The following UBR3 variants were observed in gnomAD, a reference collection of about 807,000 sequenced individuals.
The protein encoded by UBR3 is E3 ubiquitin-protein ligase UBR3.
A neutral mutation model predicts 243.2 loss-of-function variants in UBR3; 85 were observed. That is an observed-to-expected ratio of 0.35 (90% CI 0.29 to 0.42). The LOEUF (loss-of-function observed/expected upper bound fraction) is 0.42, where lower values mean the gene tolerates loss of function less well. Ranked by LOEUF, UBR3 falls within the 10% of genes least tolerant of loss-of-function variation. UBR3 has a pLI of 1.00. For missense variants in UBR3, 1,686 were observed against 2,300.8 expected, an observed-to-expected ratio of 0.73 and a Z score of 5.47; for synonymous variants, 748 against 799.8, an observed-to-expected ratio of 0.94 and a Z score of 1.09.
intron 38 of UBR3, among the ~76,000 whole-genome samples, chr2:170,081,368 C>T (rs903920712): frequency 2.0e-4 from 30 of 151,932 alleles, no homozygotes; most frequent in Non-Finnish European, 1.6e-4. Context: ...GGTGTGGTGG[C>T]GGGCCCCTAT....
intron 1 of UBR3, 75 bp from the exon 2 acceptor site, chr2:169,872,161 A>G: frequency 1.0e-5 from 11 of 1,086,192 alleles, no homozygotes; most frequent in Non-Finnish European, 1.2e-5. Flanking sequence ...TCCATTTACG[A>G]ATATTGTAAA....
intron 5 of UBR3, 147 bp downstream of exon 5, chr2:169,878,721 C>T (rs1484605545): frequency 6.9e-6 from 5 of 720,326 alleles, no homozygotes; most frequent in Admixed American, 6.1e-5. Context: ...TAGACAAGGA[C>T]ACTGAAGCCC....
intron 1 of UBR3, among the ~76,000 whole-genome samples, chr2:169,848,886 G>A (rs750078200): frequency 4.0e-5 from 6 of 151,796 alleles, no homozygotes; most frequent in Non-Finnish European, 7.4e-5. Context: ...AACATGCAAG[G>A]GGAGAAGAAA....
chr2:169,828,170 T>G (rs1573986112), intron 1 of UBR3, 118 bp downstream of exon 1: 9 of 1,131,442 alleles, frequency 8.0e-6, no homozygotes, highest in South Asian at 7.5e-5. Flanking sequence ...CGGGGGAGGG[T>G]GCAGCCACAG....
intron 33 of UBR3, among the ~76,000 whole-genome samples, chr2:170,059,176 A>G (rs941727695): frequency 2.0e-5 from 3 of 152,108 alleles, no homozygotes; most frequent in Admixed American, 2.0e-4. Flanking sequence ...AGAAGTCTCA[A>G]TACAAAGCAG....
At chr2:169,967,237 C>CG (rs1225934550) in intron 24 of UBR3, among the ~76,000 whole-genome samples, 3 of 132,060 alleles carry the variant, frequency 2.3e-5, no homozygotes, top group Non-Finnish European at 4.9e-5. Context: ...TATGCCCCCC[C>CG]CACCCCCCTA....
intron 5 of UBR3, among the ~76,000 whole-genome samples, chr2:169,885,855 A>G (rs1000782929): frequency 6.6e-6 from 1 of 151,996 alleles, no homozygotes; most frequent in African/African-American, 2.4e-5. Flanking sequence ...TACTTTTCAT[A>G]AGTGAATAGG....
At chr2:169,978,915 C>T (rs1225139013) in intron 24 of UBR3, among the ~76,000 whole-genome samples, 3 of 152,242 alleles carry the variant, frequency 2.0e-5, no homozygotes, top group African/African-American at 7.2e-5. Flanking sequence ...GCCCTAGGCT[C>T]TGTAGCTCAG....
chr2:170,061,331 C>G lies in UBR3; in HGVS notation c.4907C>G (p.Ala1636Gly). The change falls in exon 35 of 39, where the codon GCT becomes GGT. Residue 1636 changes from alanine (A) to glycine (G), a missense_variant. Ala to Gly is a moderately conservative substitution (Grantham distance 60). This residue lies in a region of UBR3 where 371 missense variants were observed against 422.5 expected (regional missense o/e 0.88). Coordinates refer to ENST00000272793, the MANE Select transcript of UBR3 (RefSeq NM_172070.4). ...TQECAMVNPI[A>G]WSPESMEKCL... The stretch of plus-strand genomic sequence containing the variant: ...TTTTAACTTTAGGTTAACCCTATTG[C>G]TTGGTCTCCTGAATCCATGGAAAAA... The G allele has an allele frequency of 6.2e-7, 1 of 1,614,024 alleles. No homozygotes were observed. Among genetic ancestry groups the G allele is most frequent in the South Asian group, 1.1e-5 (1 of 91,038 alleles).
intron 1 of UBR3, among the ~76,000 whole-genome samples, chr2:169,851,568 C>T (rs1267260042): frequency 2.0e-5 from 3 of 152,076 alleles, no homozygotes; most frequent in African/African-American, 7.2e-5. Context: ...GAATCTTACT[C>T]AATGAGTAGG....
At chr2:170,025,314 A>C (rs1038985988) in intron 30 of UBR3, among the ~76,000 whole-genome samples, 4 of 152,188 alleles carry the variant, frequency 2.6e-5, no homozygotes, top group African/African-American at 7.2e-5. Flanking sequence ...TGGAGAATGC[A>C]TAAAGTAAGG....
chr2:170,027,382 A>T (rs998818378), intron 30 of UBR3, among the ~76,000 whole-genome samples: 3 of 151,500 alleles, frequency 2.0e-5, no homozygotes, highest in African/African-American at 7.3e-5. Flanking sequence ...TTCTCTGGAC[A>T]TATTTTCTTA....
chr2:170,051,533 A>G (rs1175903385), intron 32 of UBR3, among the ~76,000 whole-genome samples: 1 of 152,088 alleles, frequency 6.6e-6, no homozygotes, highest in African/African-American at 2.4e-5. Context: ...TTTAGTTGAG[A>G]CGAGGTTTCA....
At chr2:169,831,448 C>A (rs2081940744) in intron 1 of UBR3, among the ~76,000 whole-genome samples, 1 of 151,934 alleles carries the variant, frequency 6.6e-6, no homozygotes, top group Admixed American at 6.6e-5. Flanking sequence ...CCACACCCGG[C>A]CGGATACATA....
At chr2:169,896,388 T>C (rs997224702) in intron 7 of UBR3, 119 bp from the exon 8 acceptor site, 2 of 604,988 alleles carry the variant, frequency 3.3e-6, no homozygotes, top group African/African-American at 3.8e-5. Flanking sequence ...TTTTAAGTTA[T>C]CTTGGGCATT....
intron 33 of UBR3, among the ~76,000 whole-genome samples, chr2:170,060,811 A>G (rs2105446715): frequency 6.6e-6 from 1 of 152,212 alleles, no homozygotes; most frequent in African/African-American, 2.4e-5. Flanking sequence ...TACTTGGTCA[A>G]AAAACATGAT....
chr2:170,001,134 A>C (rs72874473), intron 26 of UBR3, among the ~76,000 whole-genome samples, 170 bp from the exon 27 acceptor site: 1 of 152,224 alleles, frequency 6.6e-6, no homozygotes, highest in African/African-American at 2.4e-5. Flanking sequence ...AATTTTAAAG[A>C]TAGTGCCTGA....
intron 8 of UBR3, among the ~76,000 whole-genome samples, chr2:169,903,168 G>T (rs761201882): frequency 2.0e-5 from 3 of 152,162 alleles, no homozygotes; most frequent in Non-Finnish European, 4.4e-5. Context: ...CTGTAATGAG[G>T]AAAGTACCAG....
chr2:170,046,850 C>T (rs769094216), intron 32 of UBR3, among the ~76,000 whole-genome samples: 15 of 151,774 alleles, frequency 9.9e-5, no homozygotes, highest in Admixed American at 3.3e-4. Flanking sequence ...TGCTTTTTTC[C>T]CAGTATTATG....
Sources: gnomAD v4.1 joint callset for allele counts (sites outside exome capture counted in the v4.1 genomes callset) on GRCh38, gnomAD v4.1.1 for gene constraint, gnomAD v4.1.1 regional missense constraint, MANE v1.5 for transcripts, NCBI Gene and HGNC (gene_info 2026-07-23, HGNC 2026-07-21) for gene names.